Variants in CYP4F3 observed in about 807,000 individuals in gnomAD.
CYP4F3 encodes the protein cytochrome P450 4F3.
In CYP4F3, 50 loss-of-function variants were observed where a neutral mutation model predicts 54.8. The ratio of observed to expected loss-of-function variants is 0.91; its 90% CI spans 0.73 to 1.16. The LOEUF (loss-of-function observed/expected upper bound fraction) is 1.16. Ranked by LOEUF, CYP4F3 falls within the 50% of genes most tolerant of loss-of-function variation. The probability of loss-of-function intolerance (pLI) is 0.00; values close to 1 mark genes in which losing one functional copy is unlikely to be tolerated. For missense variants in CYP4F3, 715 were observed against 676.2 expected, an observed-to-expected ratio of 1.06 and a Z score of -0.64; for synonymous variants, 244 against 262.6, an observed-to-expected ratio of 0.93 and a Z score of 0.69.
intron 7 of CYP4F3, 141 bp from the exon 8 acceptor site, chr19:15,652,428 G>C: frequency 8.0e-7 from 1 of 1,254,526 alleles, no homozygotes; most frequent in Non-Finnish European, 1.1e-6. Flanking sequence ...GACCAAGAAG[G>C]GTCTAGGAGA....
intron 2 of CYP4F3, chr19:15,643,889 C>T: frequency 3.9e-6 from 6 of 1,542,972 alleles, no homozygotes; most frequent in Non-Finnish European, 5.2e-6. Flanking sequence ...GAGGTGACGG[C>T]CCCTGCCTTG....
At position 15,647,110 on chromosome 19, in the gene CYP4F3, G is replaced by A. The variant is rs755009156; in HGVS notation, c.397+5G>A. ...GCTTCCTGAAGCCCTGGCTGGGTGA[G>A]TATCTGTAGGTGAACAGGGTTGGGA... On this transcript the variant is annotated splice_donor_5th_base_variant and intron_variant, in intron 4 of 12. Coordinates refer to ENST00000221307, the MANE Select transcript of CYP4F3 (RefSeq NM_000896.3). 1.9e-6 allele frequency: 3 copies of A among 1,613,874 alleles called. No individual in the cohort carries two copies. The highest frequency in any genetic ancestry group is 2.2e-5 in the South Asian group (2 of 91,090).
At chr19:15,654,558 T>C (rs1263815442) in intron 9 of CYP4F3, among the ~76,000 whole-genome samples, 1 of 152,228 alleles carries the variant, frequency 6.6e-6, no homozygotes, top group African/African-American at 2.4e-5. Flanking sequence ...ATCTTCTTTT[T>C]TCATGAGATC....
At chr19:15,642,504 C>A (rs1275994493) in intron 2 of CYP4F3, among the ~76,000 whole-genome samples, 2 of 152,176 alleles carry the variant, frequency 1.3e-5, no homozygotes, top group African/African-American at 4.8e-5. Flanking sequence ...ATGTGGGGAC[C>A]AGCCTTAGGG....
chr19:15,656,675 T>C (rs576203962), intron 9 of CYP4F3, among the ~76,000 whole-genome samples: 4 of 152,210 alleles, frequency 2.6e-5, no homozygotes, highest in Admixed American at 2.0e-4. Context: ...CTATTATCTA[T>C]CTCTCTACTT....
rs751378710 is a variant in CYP4F3, at chr19:15,645,822, T to C, written c.302T>C (p.Ile101Thr). 4.3e-6 allele frequency: 7 copies of C among 1,613,740 alleles called. No individual in the cohort carries two copies. The African/African-American group carries it at 9.3e-5, about 22-fold the overall frequency. Residue 101 changes from isoleucine (I) to threonine (T), a missense_variant, in exon 3 of 13, where the codon ATC becomes ACC. By Grantham distance (89) the Ile-to-Thr change is moderately conservative. Coordinates refer to ENST00000221307, the MANE Select transcript of CYP4F3 (RefSeq NM_000896.3). ...WVGPWHAIVR[I>T]FHPTYIKPVL... ...GGGCCCTGGCACGCAATCGTCCGCA[T>C]CTTCCACCCCACCTACATCAAGCCT...
intron 7 of CYP4F3, among the ~76,000 whole-genome samples, chr19:15,651,923 G>A (rs1972868235): frequency 6.6e-6 from 1 of 152,174 alleles, no homozygotes; most frequent in South Asian, 2.1e-4. Flanking sequence ...ATCAGCCAGA[G>A]TAGGATTGTG....
In CYP4F3 at chr19:15,658,708, T is replaced by G. The variant is rs1401806898; in HGVS notation, c.1315-19T>G. On this transcript the variant is annotated intron_variant, in intron 11 of 12. Transcript: ENST00000221307. The stretch of plus-strand genomic sequence containing the variant: ...ACTGGGAGACCCCACCCGGCAACCC[T>G]TCTTGGTCTCGCCTCCAGGTCTATG... The G allele has an allele frequency of 1.2e-6, 2 of 1,613,664 alleles. No homozygotes were observed. The highest frequency in any genetic ancestry group is 1.7e-6 in the Non-Finnish European group (2 of 1,179,808).
intron 2 of CYP4F3, chr19:15,643,900 C>A: frequency 6.4e-7 from 1 of 1,556,566 alleles, no homozygotes. Context: ...CCCTGCCTTG[C>A]TTGCAGGTCA....
Position 15,649,337 on chromosome 19 carries a change from G to A in CYP4F3, c.647+56G>A, listed in dbSNP as rs28371478. ...GGCCGTGGACACAAAGTTGGTAGGT[G>A]GGGGGCTGGGGAGGACTGAGCAGGG... On this transcript the variant is annotated intron_variant, in intron 6 of 12. Transcript: ENST00000221307. 3,579 of 1,609,348 alleles carry A rather than the reference G, an allele frequency of 2.2e-3. 66 individuals are homozygous for A. The African/African-American group carries it at 0.042, about 19-fold the overall frequency.
chr19:15,658,344 C>G lies in CYP4F3; in HGVS notation c.1196C>G (p.Ser399Cys). Residue 399 changes from serine (S) to cysteine (C), a missense_variant, in exon 10 of 13, where the codon TCT becomes TGT. Ser to Cys is a moderately radical substitution (Grantham distance 112). Coordinates refer to ENST00000221307, the MANE Select transcript of CYP4F3 (RefSeq NM_000896.3). ...LRLHPPVPAV[S>C]RCCTQDIVLP... The stretch of plus-strand genomic sequence containing the variant: ...CTGCATCCCCCAGTCCCTGCCGTCT[C>G]TCGCTGCTGCACCCAAGACATTGTG... 3 of 1,614,206 alleles carry G rather than the reference C, an allele frequency of 1.9e-6. No homozygotes were observed. Among genetic ancestry groups the G allele is most frequent in the Admixed American group, 1.7e-5 (1 of 60,030 alleles).
In CYP4F3 at chr19:15,646,981, A is replaced by T. The variant is rs533653875; in HGVS notation, c.344-71A>T. ...GAAGAAGTGCAAACCTCTTGCTGGGAGCCTCCCCCCACCCCCAAAGTTCCT... is the reference window on the plus strand; with the variant it reads ...GAAGAAGTGCAAACCTCTTGCTGGGTGCCTCCCCCCACCCCCAAAGTTCCT... On this transcript the variant is annotated intron_variant, in intron 3 of 12. Coordinates refer to ENST00000221307, the MANE Select transcript of CYP4F3 (RefSeq NM_000896.3). 5.9e-5 allele frequency: 94 copies of T among 1,594,404 alleles called. 1 individual carries two copies. The South Asian group carries it at 1.0e-3, about 17-fold the overall frequency.
At chr19:15,648,206 TG>T (rs1972687888) in intron 5 of CYP4F3, among the ~76,000 whole-genome samples, 1 of 152,092 alleles carries the variant, frequency 6.6e-6, no homozygotes, top group Admixed American at 6.5e-5. Context: ...AAGAAACTCC[TG>T]GGTCAGAGAC....
rs775144858 is a variant in CYP4F3 at position 15,658,704 on chromosome 19, A to T, written c.1315-23A>T. The T allele has an allele frequency of 1.2e-4, 189 of 1,613,410 alleles. No individual in the cohort carries two copies. In the East Asian group the frequency reaches 3.9e-3, roughly 34 times the overall value. ...GCGGACTGGGAGACCCCACCCGGCA[A>T]CCCTTCTTGGTCTCGCCTCCAGGTC... On this transcript the variant is annotated intron_variant, in intron 11 of 12. Coordinates refer to ENST00000221307, the MANE Select transcript of CYP4F3 (RefSeq NM_000896.3).
At chr19:15,643,355 T>TACAC (rs1972524257) in intron 2 of CYP4F3, among the ~76,000 whole-genome samples, 1 of 150,600 alleles carries the variant, frequency 6.6e-6, no homozygotes, top group South Asian at 2.1e-4. Context: ...CATACATACA[T>TACAC]ACATATATAG....
At chr19:15,643,467 C>T (rs1972535297) in intron 2 of CYP4F3, among the ~76,000 whole-genome samples, 1 of 151,886 alleles carries the variant, frequency 6.6e-6, no homozygotes, top group Non-Finnish European at 1.5e-5. Context: ...GACAGACAGG[C>T]AGACAGACAG....
chr19:15,658,207 C>T (rs1389747253), intron 9 of CYP4F3, 57 bp from the exon 10 acceptor site: 1 of 1,590,148 alleles, frequency 6.3e-7, no homozygotes, highest in East Asian at 2.2e-5. Context: ...CAGAGAGAAG[C>T]TGGAGAGTTG....
At chr19:15,655,987 A>G (rs967230959) in intron 9 of CYP4F3, among the ~76,000 whole-genome samples, 9 of 152,218 alleles carry the variant, frequency 5.9e-5, no homozygotes, top group Non-Finnish European at 1.0e-4. Context: ...CACTAAAGGC[A>G]CCAGGCTGGG....
chr19:15,650,677 T>C (rs1213469748), intron 7 of CYP4F3, among the ~76,000 whole-genome samples: 2 of 50,712 alleles, frequency 3.9e-5, no homozygotes, highest in Non-Finnish European at 7.0e-5. Context: ...TCTTTCTTTC[T>C]TTCTTTCTTT....
Sources: gnomAD v4.1 joint callset for allele counts (sites outside exome capture counted in the v4.1 genomes callset) on GRCh38, gnomAD v4.1.1 for gene constraint, MANE v1.5 for transcripts, NCBI Gene and HGNC (gene_info 2026-07-23, HGNC 2026-07-21) for gene names.